Variants in UMAD1 observed in about 807,000 individuals in gnomAD.
UMAD1 encodes the protein UBAP1-MVB12-associated (UMA)-domain containing protein 1.
A neutral mutation model predicts 6.1 loss-of-function variants in UMAD1; 8 were observed. The observed-to-expected ratio is 1.30, with a 90% CI of 0.76 to 2.35. The LOEUF (loss-of-function observed/expected upper bound fraction) is 2.35, where lower values mean the gene tolerates loss of function less well. Among genes scored for constraint, UMAD1 ranks in the 30% most tolerant of loss-of-function variants. The pLI, the probability that UMAD1 is intolerant of heterozygous loss-of-function variation, is 0.00. For missense variants in UMAD1, 130 were observed against 78.4 expected, an observed-to-expected ratio of 1.66 and a Z score of -2.49; for synonymous variants, 56 against 31.4, an observed-to-expected ratio of 1.78 and a Z score of -2.61.
intron 3 of UMAD1, among the ~76,000 whole-genome samples, chr7:7,870,002 A>G (rs1479739365): frequency 4.6e-5 from 7 of 152,166 alleles, no homozygotes; most frequent in Non-Finnish European, 8.8e-5. Context: ...ATGAATTTTT[A>G]CACCCCTCTG....
intron 2 of UMAD1, among the ~76,000 whole-genome samples, chr7:7,678,232 A>G (rs909421658): frequency 1.4e-5 from 2 of 147,256 alleles, no homozygotes; most frequent in African/African-American, 5.0e-5. Context: ...TTTTCTACAC[A>G]TCCTTGCCAG....
At chr7:7,677,486 T>G (rs1232785746) in intron 2 of UMAD1, among the ~76,000 whole-genome samples, 1 of 152,070 alleles carries the variant, frequency 6.6e-6, no homozygotes, top group African/African-American at 2.4e-5. Context: ...AGCTCCCTCA[T>G]ATGAGTGAGA....
At chr7:7,651,158 A>G (rs1785215065) in intron 1 of UMAD1, among the ~76,000 whole-genome samples, 2 of 152,224 alleles carry the variant, frequency 1.3e-5, no homozygotes, top group African/African-American at 4.8e-5. Flanking sequence ...TGGATTAAAT[A>G]TTTTTAAAAA....
chr7:7,744,153 G>T (rs1365368982), intron 2 of UMAD1, among the ~76,000 whole-genome samples: 2 of 151,974 alleles, frequency 1.3e-5, no homozygotes, highest in East Asian at 3.8e-4. Context: ...GCCTGTTCTG[G>T]GTGTTTCATA....
At chr7:7,849,191 C>T (rs1783867368) in intron 3 of UMAD1, among the ~76,000 whole-genome samples, 1 of 152,140 alleles carries the variant, frequency 6.6e-6, no homozygotes, top group Admixed American at 6.6e-5. Context: ...ATCCTCACAT[C>T]TTACAAATAG....
intron 2 of UMAD1, among the ~76,000 whole-genome samples, chr7:7,712,212 A>T (rs1280525438): frequency 6.6e-6 from 1 of 152,164 alleles, no homozygotes; most frequent in African/African-American, 2.4e-5. Flanking sequence ...CAAATAAATA[A>T]AAAATGAATA....
chr7:7,681,935 T>A (rs1779922760), intron 2 of UMAD1, among the ~76,000 whole-genome samples: 1 of 152,126 alleles, frequency 6.6e-6, no homozygotes, highest in Non-Finnish European at 1.5e-5. Context: ...TATTATGTTA[T>A]AGCAAAAAGA....
chr7:7,786,530 T>C (rs950136132), intron 2 of UMAD1, among the ~76,000 whole-genome samples: 3 of 152,208 alleles, frequency 2.0e-5, no homozygotes, highest in African/African-American at 7.2e-5. Flanking sequence ...ACAGATCAGC[T>C]GATGGTTTAC....
intron 3 of UMAD1, among the ~76,000 whole-genome samples, chr7:7,836,517 A>G (rs1211589653): frequency 6.6e-6 from 1 of 152,004 alleles, no homozygotes; most frequent in Non-Finnish European, 1.5e-5. Flanking sequence ...TCTCAAGGCC[A>G]AGTGAGAGTT....
At chr7:7,675,149 G>A (rs1002903040) in intron 2 of UMAD1, among the ~76,000 whole-genome samples, 2 of 152,166 alleles carry the variant, frequency 1.3e-5, no homozygotes, top group African/African-American at 4.8e-5. Flanking sequence ...ACAGGCATGA[G>A]CCACCACGTC....
chr7:7,660,091 A>C (rs1583703726), intron 1 of UMAD1, among the ~76,000 whole-genome samples: 1 of 152,082 alleles, frequency 6.6e-6, no homozygotes, highest in Non-Finnish European at 1.5e-5. Flanking sequence ...TGTTGGTTTA[A>C]AGTCTGTTTT....
intron 2 of UMAD1, among the ~76,000 whole-genome samples, chr7:7,724,444 A>C (rs1011134103): frequency 6.6e-6 from 1 of 152,180 alleles, no homozygotes; most frequent in African/African-American, 2.4e-5. Context: ...GCTCCCTGAC[A>C]GTAGGGTGAG....
chr7:7,715,960 A>G (rs2110554), intron 2 of UMAD1, among the ~76,000 whole-genome samples: 7,821 of 152,324 alleles, frequency 0.051, 253 homozygotes, highest in Middle Eastern at 0.12. Context: ...AGTATAAAAC[A>G]TAGTTTGTTG....
At chr7:7,681,258 C>G (rs1044113976) in intron 2 of UMAD1, among the ~76,000 whole-genome samples, 2 of 152,086 alleles carry the variant, frequency 1.3e-5, no homozygotes, top group Non-Finnish European at 2.9e-5. Context: ...AATACCTTTT[C>G]CCCTAGGCAA....
At chr7:7,654,920 T>C (rs886608920) in intron 1 of UMAD1, among the ~76,000 whole-genome samples, 3 of 151,076 alleles carry the variant, frequency 2.0e-5, no homozygotes, top group African/African-American at 7.3e-5. Flanking sequence ...AAAAAAAAAT[T>C]TGTGATATTT....
At chr7:7,711,970 G>A (rs1780776447) in intron 2 of UMAD1, among the ~76,000 whole-genome samples, 1 of 151,552 alleles carries the variant, frequency 6.6e-6, no homozygotes, top group Non-Finnish European at 1.5e-5. Context: ...TTTTTTGTAG[G>A]GATAACCTAT....
chr7:7,645,413 C>T (rs1785070965), intron 1 of UMAD1, among the ~76,000 whole-genome samples: 1 of 152,138 alleles, frequency 6.6e-6, no homozygotes, highest in Non-Finnish European at 1.5e-5. Context: ...CAGGTTCTTT[C>T]TGTCTTTCTG....
intron 3 of UMAD1, among the ~76,000 whole-genome samples, chr7:7,864,931 A>G (rs1784198727): frequency 6.6e-6 from 1 of 151,914 alleles, no homozygotes; most frequent in South Asian, 2.1e-4. Context: ...CTCCATAAAA[A>G]CCTCTAAATA....
intron 3 of UMAD1, among the ~76,000 whole-genome samples, chr7:7,876,084 T>C (rs955744613): frequency 9.2e-5 from 14 of 151,898 alleles, no homozygotes; most frequent in Non-Finnish European, 1.8e-4. Flanking sequence ...CACGTAAAAG[T>C]AAGTTTTATA....
Sources: gnomAD v4.1 joint callset for allele counts (sites outside exome capture counted in the v4.1 genomes callset) on GRCh38, gnomAD v4.1.1 for gene constraint, MANE v1.5 for transcripts, NCBI Gene and HGNC (gene_info 2026-07-23, HGNC 2026-07-21) for gene names.